PRKAR2A: variants seen among roughly 807,000 people sequenced by gnomAD.
PRKAR2A encodes the protein cAMP-dependent protein kinase type II-alpha regulatory subunit.
A neutral mutation model predicts 51.9 loss-of-function variants in PRKAR2A; 29 were observed. The observed-to-expected ratio is 0.56, with a 90% CI of 0.42 to 0.76. The LOEUF (loss-of-function observed/expected upper bound fraction) is 0.76, where lower values mean the gene tolerates loss of function less well. Ranked by LOEUF, PRKAR2A falls within the 30% of genes least tolerant of loss-of-function variation. The pLI is 0.00. For missense variants in PRKAR2A, 445 were observed against 512.1 expected (o/e 0.87, Z 1.26); for synonymous variants, 178 against 186.2 (o/e 0.96, Z 0.36).
At chr3:48,764,974 G>C (rs912767390) in intron 8 of PRKAR2A, 30 bp downstream of exon 8, 1 of 1,600,094 alleles carries the variant, frequency 6.2e-7, no homozygotes, top group Admixed American at 1.7e-5. Context: ...GTGACTTCCA[G>C]GAAAGGAGCT....
intron 1 of PRKAR2A, among the ~76,000 whole-genome samples, chr3:48,838,786 G>A (rs565508967): frequency 1.3e-4 from 20 of 150,842 alleles, no homozygotes; most frequent in Non-Finnish European, 1.5e-4. Context: ...AGACCATCCC[G>A]GCTAACACGG....
chr3:48,810,703 A>G (rs1231162122), intron 1 of PRKAR2A, among the ~76,000 whole-genome samples: 1 of 152,204 alleles, frequency 6.6e-6, no homozygotes, highest in Admixed American at 6.5e-5. Flanking sequence ...AAATACATAT[A>G]TATGTATATG....
chr3:48,796,819 AT>A (rs575463781), intron 2 of PRKAR2A, among the ~76,000 whole-genome samples: 1 of 149,902 alleles, frequency 6.7e-6, no homozygotes, highest in South Asian at 2.1e-4. Context: ...ATTCTTGCTC[AT>A]TTTTTTTTAG....
intron 1 of PRKAR2A, among the ~76,000 whole-genome samples, chr3:48,846,834 CT>C (rs1180791352): frequency 6.6e-6 from 1 of 152,190 alleles, no homozygotes; most frequent in Non-Finnish European, 1.5e-5. Flanking sequence ...ATGGATGAAA[CT>C]TTGTGACAAA....
At chr3:48,826,544 T>C (rs961955106) in intron 1 of PRKAR2A, among the ~76,000 whole-genome samples, 1 of 152,106 alleles carries the variant, frequency 6.6e-6, no homozygotes, top group Non-Finnish European at 1.5e-5. Context: ...TTTCCTAACA[T>C]AGACACGATT....
At chr3:48,829,195 C>G (rs183839993) in intron 1 of PRKAR2A, among the ~76,000 whole-genome samples, 2 of 151,664 alleles carry the variant, frequency 1.3e-5, no homozygotes, top group Admixed American at 6.6e-5. Flanking sequence ...GGTAACAGAG[C>G]AAAATCTCCT....
intron 1 of PRKAR2A, among the ~76,000 whole-genome samples, chr3:48,822,484 C>T (rs948350968): frequency 1.3e-5 from 2 of 151,906 alleles, no homozygotes; most frequent in African/African-American, 2.4e-5. Flanking sequence ...AAAATGGCCT[C>T]GGTAACTGAT....
intron 2 of PRKAR2A, among the ~76,000 whole-genome samples, chr3:48,804,111 C>G (rs1370220265): frequency 1.3e-5 from 2 of 152,222 alleles, no homozygotes; most frequent in East Asian, 3.9e-4. Flanking sequence ...ATTATTGGTA[C>G]AGGCACGAAG....
intron 4 of PRKAR2A, among the ~76,000 whole-genome samples, chr3:48,787,118 C>G (rs2082305886): frequency 6.6e-6 from 1 of 151,940 alleles, no homozygotes; most frequent in Non-Finnish European, 1.5e-5. Context: ...TGGACTGGAT[C>G]CTCTACCAGA....
chr3:48,784,418 A>C (rs2082254167), intron 4 of PRKAR2A, among the ~76,000 whole-genome samples: 2 of 152,200 alleles, frequency 1.3e-5, no homozygotes, highest in South Asian at 4.1e-4. Context: ...ACTAAAAAGG[A>C]TGGCTTGCAA....
chr3:48,782,256 T>G (rs1282099600), intron 5 of PRKAR2A, among the ~76,000 whole-genome samples: 1 of 152,156 alleles, frequency 6.6e-6, no homozygotes, highest in East Asian at 1.9e-4. Context: ...AATACTTAGA[T>G]CTGAGCCAGA....
chr3:48,823,615 C>T (rs1243993769), intron 1 of PRKAR2A, among the ~76,000 whole-genome samples: 2 of 151,488 alleles, frequency 1.3e-5, no homozygotes, highest in Non-Finnish European at 2.9e-5. Flanking sequence ...GACTCCATCT[C>T]TACAAAAAAA....
chr3:48,800,711 C>T (rs1414071607), intron 2 of PRKAR2A, among the ~76,000 whole-genome samples: 1 of 151,856 alleles, frequency 6.6e-6, no homozygotes, highest in Non-Finnish European at 1.5e-5. Flanking sequence ...TGCTCTGTCG[C>T]GCAGGCTGGA....
chr3:48,809,931 T>A (rs899213323), intron 1 of PRKAR2A, among the ~76,000 whole-genome samples: 1 of 152,218 alleles, frequency 6.6e-6, no homozygotes, highest in East Asian at 1.9e-4. Flanking sequence ...TCATTAACAA[T>A]TCCATCTGTT....
intron 1 of PRKAR2A, among the ~76,000 whole-genome samples, chr3:48,810,100 TAACATTGAG>T (rs927692986): frequency 5.3e-5 from 8 of 152,176 alleles, no homozygotes; most frequent in African/African-American, 1.7e-4. Context: ...AGAGTGATCT[TAACATTGAG>T]AAGGATAATT....
At chr3:48,775,277 A>G (rs1012617603) in intron 5 of PRKAR2A, among the ~76,000 whole-genome samples, 1 of 151,822 alleles carries the variant, frequency 6.6e-6, no homozygotes, top group Non-Finnish European at 1.5e-5. Flanking sequence ...CGTCTCTACT[A>G]AAAATACAAA....
At chr3:48,822,064 A>G (rs2082975158) in intron 1 of PRKAR2A, among the ~76,000 whole-genome samples, 1 of 151,776 alleles carries the variant, frequency 6.6e-6, no homozygotes, top group Admixed American at 6.6e-5. Context: ...TCTCTAATAT[A>G]GCTGGACATG....
chr3:48,809,658 G>A (rs1336619813), intron 1 of PRKAR2A, among the ~76,000 whole-genome samples: 2 of 148,928 alleles, frequency 1.3e-5, no homozygotes, highest in Non-Finnish European at 3.0e-5. Flanking sequence ...ATGTGTCAGT[G>A]CTTGCTCTAC....
chr3:48,785,091 ATTC>A (rs1218249539), intron 4 of PRKAR2A, among the ~76,000 whole-genome samples: 1 of 120,178 alleles, frequency 8.3e-6, no homozygotes, highest in Non-Finnish European at 1.7e-5. Flanking sequence ...ATAGGAAAAT[ATTC>A]TTTTTTTTTT....
Sources: gnomAD v4.1 joint callset for allele counts (sites outside exome capture counted in the v4.1 genomes callset) on GRCh38, gnomAD v4.1.1 for gene constraint, MANE v1.5 for transcripts, NCBI Gene and HGNC (gene_info 2026-07-23, HGNC 2026-07-21) for gene names.